ABHD17C: variants seen among roughly 807,000 people sequenced by gnomAD.
ABHD17C encodes the protein abhydrolase domain containing 17C, depalmitoylase.
ABHD17C carries 11 observed loss-of-function variants against 27.9 expected under a neutral mutation model. The observed-to-expected ratio is 0.39, with a 90% confidence interval of 0.25 to 0.65. The LOEUF is 0.65. Among genes scored for constraint, ABHD17C ranks in the 30% least tolerant of loss-of-function variants. The probability of loss-of-function intolerance (pLI) is 0.45; values close to 1 mark genes in which losing one functional copy is unlikely to be tolerated. For missense variants in ABHD17C, 280 were observed against 470.2 expected, an observed-to-expected ratio of 0.60 and a Z score of 3.74; for synonymous variants, 233 against 209.1, an observed-to-expected ratio of 1.11 and a Z score of -0.98.
At chr15:80,729,807 G>T (rs1895032965) in intron 1 of ABHD17C, among the ~76,000 whole-genome samples, 2 of 152,206 alleles carry the variant, frequency 1.3e-5, no homozygotes, top group African/African-American at 4.8e-5. Context: ...GGTCCAGTGG[G>T]TTTTGAAAGA....
intron 1 of ABHD17C, among the ~76,000 whole-genome samples, chr15:80,718,204 TC>T (rs1894835703): frequency 6.6e-6 from 1 of 151,864 alleles, no homozygotes; most frequent in Non-Finnish European, 1.5e-5. Context: ...TCAAAAAATT[TC>T]CCCCCATAAA....
At chr15:80,735,054 A>C (rs1895110464) in intron 1 of ABHD17C, among the ~76,000 whole-genome samples, 1 of 152,132 alleles carries the variant, frequency 6.6e-6, no homozygotes, top group Non-Finnish European at 1.5e-5. Flanking sequence ...CCTTGCTTGA[A>C]CAGATATCCC....
intron 1 of ABHD17C, among the ~76,000 whole-genome samples, chr15:80,737,428 T>C (rs527994969): frequency 5.3e-5 from 8 of 152,274 alleles, no homozygotes. Context: ...TGTCTGAAAT[T>C]TAATTTTAAT....
intron 1 of ABHD17C, among the ~76,000 whole-genome samples, chr15:80,722,600 G>C (rs1165532075): frequency 6.6e-6 from 1 of 150,928 alleles, no homozygotes; most frequent in African/African-American, 2.4e-5. Context: ...CTTCCCTGTT[G>C]GTTAATTTTT....
At chr15:80,712,090 G>A (rs1185022784) in intron 1 of ABHD17C, among the ~76,000 whole-genome samples, 1 of 152,120 alleles carries the variant, frequency 6.6e-6, no homozygotes, top group Non-Finnish European at 1.5e-5. Flanking sequence ...ATAGTTCTAA[G>A]ATTATGCCTT....
chr15:80,711,175 C>G (rs1398319854), intron 1 of ABHD17C, among the ~76,000 whole-genome samples: 1 of 152,200 alleles, frequency 6.6e-6, no homozygotes, highest in Non-Finnish European at 1.5e-5. Flanking sequence ...TGTAGGCGCT[C>G]TGCTCATCTG....
chr15:80,712,373 C>T (rs1269840687), intron 1 of ABHD17C, among the ~76,000 whole-genome samples: 1 of 152,186 alleles, frequency 6.6e-6, no homozygotes, highest in East Asian at 1.9e-4. Flanking sequence ...CTGGTTCAGC[C>T]CCAGCTTCCT....
intron 1 of ABHD17C, among the ~76,000 whole-genome samples, chr15:80,736,002 G>A (rs1268741809): frequency 2.0e-5 from 3 of 152,170 alleles, no homozygotes; most frequent in Non-Finnish European, 4.4e-5. Flanking sequence ...TACCTGGACT[G>A]TGCCCAGGTT....
intron 1 of ABHD17C, among the ~76,000 whole-genome samples, chr15:80,705,765 G>A (rs1383720372): frequency 6.6e-6 from 1 of 152,184 alleles, no homozygotes; most frequent in Middle Eastern, 3.2e-3. Context: ...AGCTAAGGGG[G>A]AAGTCTCTTT....
intron 1 of ABHD17C, among the ~76,000 whole-genome samples, chr15:80,706,266 G>C (rs1481207497): frequency 1.3e-5 from 2 of 152,128 alleles, no homozygotes; most frequent in Non-Finnish European, 2.9e-5. Flanking sequence ...ATTCACTTTA[G>C]AGTGTTAAAG....
chr15:80,743,704 T>G lies in ABHD17C; in HGVS notation c.591-5809T>G, dbSNP rs547906764. 3.2e-3 allele frequency among the ~76,000 whole-genome samples: 491 copies of G among 152,252 alleles called. 4 individuals carry two copies. The highest frequency in any genetic ancestry group is 0.011 in the African/African-American group (462 of 41,548). On this transcript the variant is annotated intron_variant, in intron 1 of 2. Transcript: ENST00000258884. ...CTCAGGTGATCCTCCCACCTCAGCC[T>G]CCCTAGTAGCAGGGACGCTACTAGG...
chr15:80,696,260 C>T (rs943030925), intron 1 of ABHD17C, among the ~76,000 whole-genome samples: 2 of 152,244 alleles, frequency 1.3e-5, no homozygotes, highest in African/African-American at 4.8e-5. Context: ...GAGAATTTTG[C>T]CTGCTTTGGC....
chr15:80,710,271 G>A (rs1238514973), intron 1 of ABHD17C, among the ~76,000 whole-genome samples: 1 of 152,198 alleles, frequency 6.6e-6, no homozygotes, highest in Non-Finnish European at 1.5e-5. Context: ...GGGTGCAGGG[G>A]TAAGAGGAGT....
intron 1 of ABHD17C, among the ~76,000 whole-genome samples, chr15:80,722,910 C>T (rs565867756): frequency 3.2e-4 from 48 of 152,326 alleles, no homozygotes; most frequent in African/African-American, 1.2e-3. Context: ...TTTCTAAGGG[C>T]TGAGTAGTAC....
chr15:80,740,959 T>C (rs2046389), intron 1 of ABHD17C, among the ~76,000 whole-genome samples: 22,899 of 152,140 alleles, frequency 0.15, 1,905 homozygotes, highest in East Asian at 0.28. Context: ...GAGAATCTGA[T>C]GAAAACACGT....
chr15:80,729,323 C>A (rs1048004146), intron 1 of ABHD17C, among the ~76,000 whole-genome samples: 1 of 152,070 alleles, frequency 6.6e-6, no homozygotes, highest in Non-Finnish European at 1.5e-5. Context: ...ATAAATTCTG[C>A]CTTGTGCCCA....
At chr15:80,726,495 T>C (rs1894977711) in intron 1 of ABHD17C, among the ~76,000 whole-genome samples, 1 of 145,996 alleles carries the variant, frequency 6.8e-6, no homozygotes, top group Non-Finnish European at 1.5e-5. Context: ...ATTGCTTCTT[T>C]TTCTGGTTTT....
chr15:80,752,249 G>T (rs1895375269), intron 2 of ABHD17C, among the ~76,000 whole-genome samples: 1 of 152,322 alleles, frequency 6.6e-6, no homozygotes, highest in South Asian at 2.1e-4. Flanking sequence ...TAGGGGGAAA[G>T]CAGGTTTCCA....
chr15:80,732,337 C>T (rs772978407), intron 1 of ABHD17C, among the ~76,000 whole-genome samples: 5 of 152,198 alleles, frequency 3.3e-5, no homozygotes, highest in African/African-American at 4.8e-5. Context: ...CTGAGCTCAC[C>T]GTGCTTCTCC....
Sources: gnomAD v4.1 joint callset for allele counts (sites outside exome capture counted in the v4.1 genomes callset) on GRCh38, gnomAD v4.1.1 for gene constraint, MANE v1.5 for transcripts, NCBI Gene and HGNC (gene_info 2026-07-23, HGNC 2026-07-21) for gene names.